Variants in PLCG2 observed in about 807,000 individuals in gnomAD.
PLCG2 encodes the protein 1-phosphatidylinositol 4,5-bisphosphate phosphodiesterase gamma-2.
PLCG2 carries 69 observed loss-of-function variants against 175.6 expected under a neutral mutation model. That is an observed-to-expected ratio of 0.39 (90% CI 0.32 to 0.48). The LOEUF (loss-of-function observed/expected upper bound fraction) is 0.48. Among genes scored for constraint, PLCG2 ranks in the 20% least tolerant of loss-of-function variants. The pLI, the probability that PLCG2 is intolerant of heterozygous loss-of-function variation, is 0.91. For missense variants in PLCG2, 1,798 were observed against 1,650.9 expected (o/e 1.09, Z -1.54); for synonymous variants, 827 against 624.0 (o/e 1.33, Z -4.85).
At chr16:81,884,218 G>C (rs879395768) in intron 9 of PLCG2, among the ~76,000 whole-genome samples, 5 of 152,210 alleles carry the variant, frequency 3.3e-5, no homozygotes, top group East Asian at 1.9e-4. Context: ...AGGCATTGTG[G>C]TGGGTGCCTG....
chr16:81,760,796 G>A (rs1469180145), intron 2 of PLCG2, among the ~76,000 whole-genome samples: 3 of 151,274 alleles, frequency 2.0e-5, no homozygotes, highest in African/African-American at 7.3e-5. Context: ...TGAGCATGGT[G>A]GCAAGTACCT....
intron 2 of PLCG2, among the ~76,000 whole-genome samples, chr16:81,760,748 T>TA (rs1224811220): frequency 0.09 from 7,891 of 87,702 alleles, 504 homozygotes; most frequent in African/African-American, 0.18. Flanking sequence ...CCGTCTCTAT[T>TA]AAAAAAAAAA....
chr16:81,882,576 C>G (rs557065100), intron 8 of PLCG2, among the ~76,000 whole-genome samples: 16 of 152,260 alleles, frequency 1.1e-4, no homozygotes, highest in Middle Eastern at 3.4e-3. Flanking sequence ...ACTCACATCC[C>G]TGTGTTCCCC....
At chr16:81,846,595 C>T (rs1301285966) in intron 2 of PLCG2, among the ~76,000 whole-genome samples, 5 of 152,318 alleles carry the variant, frequency 3.3e-5, no homozygotes, top group African/African-American at 1.2e-4. Context: ...GGATCAAGTA[C>T]ATCCAGCAGA....
At chr16:81,831,757 C>A (rs577329430) in intron 2 of PLCG2, among the ~76,000 whole-genome samples, 2 of 152,262 alleles carry the variant, frequency 1.3e-5, no homozygotes, top group African/African-American at 4.8e-5. Flanking sequence ...CCCGCTCTTG[C>A]CCCAATCCTG....
At chr16:81,812,175 G>C (rs1269305820) in intron 2 of PLCG2, among the ~76,000 whole-genome samples, 1 of 151,262 alleles carries the variant, frequency 6.6e-6, no homozygotes, top group Admixed American at 6.6e-5. Context: ...TCAGCCTCCT[G>C]AGTAGCTGGG....
chr16:81,885,712 C>T (rs530629506), intron 9 of PLCG2, among the ~76,000 whole-genome samples: 16 of 152,184 alleles, frequency 1.1e-4, no homozygotes, highest in African/African-American at 3.9e-4. Context: ...ACCCAGCCTG[C>T]ATTTGGATTT....
At chr16:81,931,171 A>T in intron 24 of PLCG2, 1 of 178,198 alleles carries the variant, frequency 5.6e-6, no homozygotes, top group Non-Finnish European at 1.2e-5. Context: ...TACTTGTTGG[A>T]TGTTGGAATT....
chr16:81,775,034 A>G (rs1479483218), upstream of PLCG2, among the ~76,000 whole-genome samples: 1 of 152,136 alleles, frequency 6.6e-6, no homozygotes, highest in Non-Finnish European at 1.5e-5. Context: ...GTATGAGCCA[A>G]TGTGCCCAGT....
chr16:81,871,069 T>G (rs7192509), intron 7 of PLCG2, 134 bp downstream of exon 7: 8 of 540,086 alleles, frequency 1.5e-5, no homozygotes, highest in Admixed American at 1.1e-4. Flanking sequence ...ATGAGAATGA[T>G]GAAAGCATAC....
At chr16:81,869,917 CT>C (rs1442438547) in intron 6 of PLCG2, among the ~76,000 whole-genome samples, 4 of 152,282 alleles carry the variant, frequency 2.6e-5, no homozygotes, top group African/African-American at 7.2e-5. Context: ...ACTCATTCTT[CT>C]TAGGAAATGA....
At chr16:81,814,582 C>G (rs914894903) in intron 2 of PLCG2, among the ~76,000 whole-genome samples, 11 of 152,220 alleles carry the variant, frequency 7.2e-5, no homozygotes, top group African/African-American at 2.6e-4. Flanking sequence ...GTAATCCTAG[C>G]TACTCGGGAG....
In PLCG2 at chr16:81,961,516, C is replaced by T. The variant is rs1157856423; in HGVS notation, c.*3518C>T. The stretch of plus-strand genomic sequence containing the variant: ...AGGATACTATATAATACTTTTGGTA[C>T]AGAGATAGAATTAAATAACATAAAA... On this transcript the variant is annotated 3_prime_UTR_variant, in exon 33 of 33. Transcript: ENST00000564138. 2 of 220,792 alleles carry T rather than the reference C, an allele frequency of 9.1e-6. No homozygotes were observed. Among genetic ancestry groups the T allele is most frequent in the Non-Finnish European group, 1.8e-5 (2 of 110,476 alleles). The allele number at this position is 220,792 out of a possible 1,614,324, so 13.7% of individuals were successfully genotyped here.
intron 2 of PLCG2, among the ~76,000 whole-genome samples, chr16:81,787,875 T>TCATC (rs1351798380): frequency 6.6e-6 from 1 of 152,216 alleles, no homozygotes; most frequent in African/African-American, 2.4e-5. Flanking sequence ...TTTTCAAGGT[T>TCATC]CATCCACTTT....
At chr16:81,929,876 T>A (rs1054978615) in intron 24 of PLCG2, among the ~76,000 whole-genome samples, 1 of 152,250 alleles carries the variant, frequency 6.6e-6, no homozygotes, top group African/African-American at 2.4e-5. Flanking sequence ...CTTCTGGTGC[T>A]CTTTGTATCA....
intron 24 of PLCG2, chr16:81,931,262 G>A: frequency 2.5e-6 from 1 of 392,982 alleles, no homozygotes; most frequent in Non-Finnish European, 4.6e-6. Context: ...CCATTCACAG[G>A]TACTGGTGAC....
At chr16:81,767,232 C>T (rs1910171020) in intron 2 of PLCG2, among the ~76,000 whole-genome samples, 1 of 138,668 alleles carries the variant, frequency 7.2e-6, no homozygotes, top group South Asian at 2.4e-4. Flanking sequence ...GCAACTTCTG[C>T]TTCCTGGGTT....
chr16:81,879,212 T>G (rs2143562188), intron 7 of PLCG2, among the ~76,000 whole-genome samples: 1 of 152,216 alleles, frequency 6.6e-6, no homozygotes, highest in African/African-American at 2.4e-5. Context: ...ATAAGCTGGG[T>G]GTGGGGCTTT....
At chr16:81,835,201 C>G (rs1199419699) in intron 2 of PLCG2, among the ~76,000 whole-genome samples, 1 of 152,160 alleles carries the variant, frequency 6.6e-6, no homozygotes, top group Admixed American at 6.5e-5. Context: ...AATAATGACT[C>G]CTCTGTCGTA....
Sources: allele counts gnomAD v4.1 joint callset (sites outside exome capture counted in the v4.1 genomes callset), GRCh38; gene constraint gnomAD v4.1.1; transcripts MANE v1.5; gene names NCBI Gene and HGNC (gene_info 2026-07-23, HGNC 2026-07-21).